CADM2: variants seen among roughly 807,000 people sequenced by gnomAD.
CADM2 encodes the protein cell adhesion molecule 2.
CADM2 carries 12 observed loss-of-function variants against 49.8 expected under a neutral mutation model. That is an observed-to-expected ratio of 0.24 (90% CI 0.15 to 0.39). The LOEUF (loss-of-function observed/expected upper bound fraction) is 0.39. CADM2 is among the 10% of genes least tolerant of loss of function. The pLI, the probability that CADM2 is intolerant of heterozygous loss-of-function variation, is 1.00. For missense variants in CADM2, 378 were observed against 492.3 expected (o/e 0.77, Z 2.20); for synonymous variants, 214 against 175.4 (o/e 1.22, Z -1.74).
At chr3:86,017,853 T>C (rs1732501975) in intron 8 of CADM2, among the ~76,000 whole-genome samples, 1 of 150,366 alleles carries the variant, frequency 6.7e-6, no homozygotes, top group Admixed American at 6.6e-5. Context: ...TTTTATAAAG[T>C]CTTTTATTTA....
intron 1 of CADM2, among the ~76,000 whole-genome samples, chr3:85,715,094 A>T (rs2067243769): frequency 6.6e-6 from 1 of 152,210 alleles, no homozygotes; most frequent in Non-Finnish European, 1.5e-5. Flanking sequence ...ATTCTACAAT[A>T]TAGTATTCTC....
At chr3:85,701,408 G>T (rs1304180943) in intron 1 of CADM2, among the ~76,000 whole-genome samples, 1 of 152,112 alleles carries the variant, frequency 6.6e-6, no homozygotes, top group African/African-American at 2.4e-5. Flanking sequence ...CTTTACCTTG[G>T]TAGATGTCAC....
At chr3:85,846,246 T>G (rs543914549) in intron 3 of CADM2, among the ~76,000 whole-genome samples, 1 of 152,286 alleles carries the variant, frequency 6.6e-6, no homozygotes, top group South Asian at 2.1e-4. Context: ...TTTCTAGCGT[T>G]GCATTTAATA....
intron 1 of CADM2, among the ~76,000 whole-genome samples, chr3:85,624,340 T>A (rs528194827): frequency 1.3e-4 from 20 of 152,232 alleles, no homozygotes; most frequent in East Asian, 5.8e-4. Context: ...AACTCTTTTT[T>A]AATTTTTTTT....
At chr3:85,383,923 A>G (rs1487774248) in intron 1 of CADM2, among the ~76,000 whole-genome samples, 1 of 152,066 alleles carries the variant, frequency 6.6e-6, no homozygotes, top group African/African-American at 2.4e-5. Flanking sequence ...ATTTCTAAGT[A>G]TTTTTCTTTT....
intron 1 of CADM2, among the ~76,000 whole-genome samples, chr3:85,105,136 C>T (rs914066032): frequency 6.6e-6 from 1 of 152,058 alleles, no homozygotes; most frequent in African/African-American, 2.4e-5. Context: ...AAAGGGCATC[C>T]CTGTCATCAG....
chr3:85,999,898 G>A (rs138351020), intron 8 of CADM2, among the ~76,000 whole-genome samples: 72 of 152,250 alleles, frequency 4.7e-4, no homozygotes, highest in Admixed American at 8.5e-4. Context: ...AGAGGACAAC[G>A]TAAATTCAGT....
intron 1 of CADM2, among the ~76,000 whole-genome samples, chr3:85,661,479 T>C (rs941532323): frequency 3.3e-5 from 5 of 152,074 alleles, no homozygotes; most frequent in Admixed American, 2.0e-4. Context: ...CAAATTTGCC[T>C]TAGGCACCTC....
At chr3:85,225,586 C>T (rs994161813) in intron 1 of CADM2, among the ~76,000 whole-genome samples, 13 of 152,106 alleles carry the variant, frequency 8.5e-5, no homozygotes, top group African/African-American at 3.1e-4. Context: ...CAAGAATACC[C>T]TTTATTTCTT....
intron 3 of CADM2, among the ~76,000 whole-genome samples, chr3:85,836,238 G>A (rs2074403183): frequency 6.6e-6 from 1 of 151,528 alleles, no homozygotes; most frequent in South Asian, 2.1e-4. Context: ...CTTTTTCTTA[G>A]TGTAGTGAGC....
chr3:85,581,240 C>A (rs1275258360), intron 1 of CADM2, among the ~76,000 whole-genome samples: 1 of 151,914 alleles, frequency 6.6e-6, no homozygotes, highest in East Asian at 1.9e-4. Flanking sequence ...AGCCAATCAA[C>A]AAACAACAGA....
chr3:85,293,118 C>A (rs2043850280), intron 1 of CADM2, among the ~76,000 whole-genome samples: 4 of 152,242 alleles, frequency 2.6e-5, no homozygotes, highest in African/African-American at 9.6e-5. Flanking sequence ...CATCACTGAT[C>A]CCACAGAAAT....
intron 1 of CADM2, among the ~76,000 whole-genome samples, chr3:85,220,457 A>AT (rs1446318389): frequency 6.6e-6 from 1 of 152,006 alleles, no homozygotes; most frequent in Non-Finnish European, 1.5e-5. Context: ...AACTCAATTC[A>AT]TTTTTTGTTT....
chr3:85,891,397 A>T (rs763424309), intron 5 of CADM2, among the ~76,000 whole-genome samples: 6 of 152,220 alleles, frequency 3.9e-5, no homozygotes, highest in Non-Finnish European at 8.8e-5. Context: ...GCAGCATTCT[A>T]TGATAATCCT....
At chr3:85,129,141 C>T (rs953799914) in intron 1 of CADM2, among the ~76,000 whole-genome samples, 16 of 152,088 alleles carry the variant, frequency 1.1e-4, no homozygotes, top group African/African-American at 3.4e-4. Flanking sequence ...CACATCAATG[C>T]TTAGGCCCAA....
intron 1 of CADM2, among the ~76,000 whole-genome samples, chr3:85,541,640 A>AT (rs2061539645): frequency 6.7e-6 from 1 of 148,424 alleles, no homozygotes; most frequent in African/African-American, 2.5e-5. Context: ...CACAATTACA[A>AT]TGAAAAAAAA....
rs181682801 is a variant in CADM2 at position 85,216,017 on chromosome 3, A to C, written c.61+256349A>C. Among the ~76,000 whole-genome samples, 274 of 152,064 alleles carry C rather than the reference A, an allele frequency of 1.8e-3. 1 individual carries two copies. The highest frequency in any genetic ancestry group is 6.3e-3 in the African/African-American group (263 of 41,458). ...TTCCCTCTTCAGTGTCTCTTTCCTT[A>C]CTATGACGTTAAAGCCAGGTACTAT... On this transcript the variant is annotated intron_variant, in intron 1 of 9. Coordinates refer to ENST00000383699, the MANE Select transcript of CADM2 (RefSeq NM_001167675.2).
At chr3:85,315,471 A>T (rs933632200) in intron 1 of CADM2, among the ~76,000 whole-genome samples, 10 of 152,210 alleles carry the variant, frequency 6.6e-5, no homozygotes, top group African/African-American at 1.9e-4. Flanking sequence ...TGAAAGAGTA[A>T]AACTAAATAG....
intron 1 of CADM2, among the ~76,000 whole-genome samples, chr3:85,592,850 C>T (rs984677674): frequency 6.6e-6 from 1 of 151,912 alleles, no homozygotes; most frequent in Non-Finnish European, 1.5e-5. Context: ...GCTATCCCTC[C>T]TCTAGCCTCC....
Sources: allele counts gnomAD v4.1 joint callset (sites outside exome capture counted in the v4.1 genomes callset), GRCh38; gene constraint gnomAD v4.1.1; transcripts MANE v1.5; gene names NCBI Gene and HGNC (gene_info 2026-07-23, HGNC 2026-07-21).